The following NTS variants were observed in gnomAD, a reference collection of about 807,000 sequenced individuals.
NTS encodes neurotensin/neuromedin N.
Under a neutral mutation model 19.5 loss-of-function variants are expected in NTS, and 20 were observed. The ratio of observed to expected loss-of-function variants is 1.02; its 90% CI spans 0.72 to 1.49. NTS has a LOEUF of 1.49. Ranked by LOEUF, NTS falls within the 40% of genes most tolerant of loss-of-function variation. The pLI, the probability that NTS is intolerant of heterozygous loss-of-function variation, is 0.00. For missense variants in NTS, 215 were observed against 193.1 expected (o/e 1.11, Z -0.67); for synonymous variants, 71 against 63.3 (o/e 1.12, Z -0.58).
intron 1 of NTS, among the ~76,000 whole-genome samples, chr12:85,875,400 T>C (rs1394789421): frequency 2.0e-5 from 3 of 152,140 alleles, no homozygotes; most frequent in African/African-American, 7.2e-5. Flanking sequence ...TGTGCTTTTA[T>C]GTATCATAAA....
In NTS at chr12:85,875,753, A is replaced by AGAT. The variant is rs1217620799; in HGVS notation, c.74-886_74-884dup. Among the ~76,000 whole-genome samples the AGAT allele has an allele frequency of 2.0e-5, 3 of 152,046 alleles. No homozygotes were observed. The East Asian group carries it at 5.8e-4, about 29-fold the overall frequency. ...TACATTGTTCATAAATTCCTAAAAC[A>AGAT]GATTATGTCTCTAACAAATAGTGAG... On this transcript the variant is annotated intron_variant, in intron 1 of 3. Transcript: ENST00000256010.
chr12:85,877,104 A>G (rs1881363194), intron 2 of NTS, among the ~76,000 whole-genome samples: 1 of 152,216 alleles, frequency 6.6e-6, no homozygotes, highest in Non-Finnish European at 1.5e-5. Context: ...ATTAGAAATA[A>G]AAGTTCATGA....
chr12:85,878,638 T>A, intron 3 of NTS, 69 bp downstream of exon 3: 1 of 887,336 alleles, frequency 1.1e-6, no homozygotes, highest in Non-Finnish European at 1.6e-6. Flanking sequence ...ATTAATTTCT[T>A]AAATTCCCAA....
At chr12:85,878,901 C>T (rs1421494861) in intron 3 of NTS, among the ~76,000 whole-genome samples, 1 of 151,788 alleles carries the variant, frequency 6.6e-6, no homozygotes, top group Non-Finnish European at 1.5e-5. Flanking sequence ...ATTTAAGCAA[C>T]TCAAAATGTT....
chr12:85,881,318 C>T lies in NTS; in HGVS notation c.361-905C>T, dbSNP rs183824870. 5.2e-3 allele frequency among the ~76,000 whole-genome samples: 794 copies of T among 152,010 alleles called. 5 individuals are homozygous for T. The highest frequency in any genetic ancestry group is 0.018 in the African/African-American group (734 of 41,470). ...TGCATTGCAATTTAAAACTTAGTCCCCTATCAGTATTTGTTATAGTGACCC... is the reference window on the plus strand; with the variant it reads ...TGCATTGCAATTTAAAACTTAGTCCTCTATCAGTATTTGTTATAGTGACCC... On this transcript the variant is annotated intron_variant, in intron 3 of 3. Transcript: ENST00000256010.
chr12:85,876,985 C>A (rs1881360573), intron 2 of NTS, among the ~76,000 whole-genome samples: 1 of 151,980 alleles, frequency 6.6e-6, no homozygotes, highest in Non-Finnish European at 1.5e-5. Flanking sequence ...TGCTTCCATG[C>A]CTTTTACATT....
chr12:85,877,610 A>G (rs1452183444), intron 2 of NTS, among the ~76,000 whole-genome samples: 2 of 152,126 alleles, frequency 1.3e-5, no homozygotes, highest in South Asian at 2.1e-4. Context: ...TCACCTAGGT[A>G]TTAAGCCTAG....
intron 3 of NTS, among the ~76,000 whole-genome samples, chr12:85,879,237 T>TATTTTATGTAC (rs1256921028): frequency 0.023 from 31 of 1,340 alleles, 15 homozygotes; most frequent in South Asian, 0.2. Flanking sequence ...ATTTTATGTA[T>TATTTTATGTAC]GTAAAATATA....
chr12:85,876,642 T>C lies in NTS; in HGVS notation c.76T>C (p.Ser26Pro). ...AACCTGATTTTGATTTTACTCAGAT[T>C]CAGAAGAGGAAATGAAAGCATTAGA... ...AFSSWSLCSD[S>P]EEEMKALEAD... Residue 26 changes from serine (S) to proline (P), a missense_variant and splice_region_variant, in exon 2 of 4, where the codon TCA becomes CCA. Transcript: ENST00000256010. 6.3e-7 allele frequency: 1 copy of C among 1,574,914 alleles called. No homozygotes were observed. Among genetic ancestry groups the C allele is most frequent in the Non-Finnish European group, 8.7e-7 (1 of 1,153,152 alleles).
chr12:85,880,453 T>C (rs1009150313), intron 3 of NTS, among the ~76,000 whole-genome samples: 2 of 152,172 alleles, frequency 1.3e-5, no homozygotes, highest in Non-Finnish European at 2.9e-5. Flanking sequence ...ATTGGGGATC[T>C]GAGGGTGTCT....
chr12:85,875,394 CT>C (rs1881318491), intron 1 of NTS, among the ~76,000 whole-genome samples: 1 of 151,980 alleles, frequency 6.6e-6, no homozygotes. Flanking sequence ...CTGTTCTGTG[CT>C]TTTATGTATC....
At chr12:85,879,908 T>A (rs1056385509) in intron 3 of NTS, among the ~76,000 whole-genome samples, 10 of 147,328 alleles carry the variant, frequency 6.8e-5, no homozygotes, top group Non-Finnish European at 3.0e-5. Flanking sequence ...ATTTTATGTA[T>A]ATAAAAATAT....
chr12:85,876,394 C>T (rs1881345050), intron 1 of NTS, among the ~76,000 whole-genome samples: 1 of 151,786 alleles, frequency 6.6e-6, no homozygotes, highest in South Asian at 2.1e-4. Flanking sequence ...TAAACAACTC[C>T]CAGTGATCAA....
In NTS at chr12:85,876,683, C is replaced by T; in HGVS notation, c.117C>T (p.Thr39=). 6.3e-7 allele frequency: 1 copy of T among 1,581,418 alleles called. No individual in the cohort carries two copies. Among genetic ancestry groups the T allele is most frequent in the South Asian group, 1.2e-5 (1 of 86,098 alleles). The change falls in exon 2 of 4, where the codon ACC becomes ACT. Residue 39 remains threonine, a synonymous_variant. Transcript: ENST00000256010. ...AAGCATTAGAAGCAGATTTCTTGAC[C>T]AATATGCATACATCAAAGGTAACTT... ...EMKALEADFL[T]NMHTSKISKA...
chr12:85,880,364 T>C (rs55908819), intron 3 of NTS, among the ~76,000 whole-genome samples: 11,356 of 152,210 alleles, frequency 0.075, 599 homozygotes, highest in Middle Eastern at 0.21. Context: ...TTAAAAATTT[T>C]CGACAAGGGA....
At chr12:85,881,545 A>T (rs1881502589) in intron 3 of NTS, among the ~76,000 whole-genome samples, 1 of 152,174 alleles carries the variant, frequency 6.6e-6, no homozygotes, top group African/African-American at 2.4e-5. Flanking sequence ...TTTAGGCAAG[A>T]TTCTACATGG....
intron 3 of NTS, among the ~76,000 whole-genome samples, chr12:85,881,703 A>G (rs754067402): frequency 5.3e-5 from 8 of 152,154 alleles, no homozygotes; most frequent in Non-Finnish European, 8.8e-5. Flanking sequence ...TCATCCCTCT[A>G]TTGAGAATTA....
intron 1 of NTS, among the ~76,000 whole-genome samples, chr12:85,875,683 G>C (rs908517197): frequency 2.0e-5 from 3 of 151,962 alleles, no homozygotes; most frequent in African/African-American, 7.2e-5. Flanking sequence ...TTATTAACTT[G>C]AAACTACTTG....
chr12:85,878,484 C>G lies in NTS; in HGVS notation c.275C>G (p.Ala92Gly). ...ELVARRKLPT[A>G]LDGFSLEAML... ...GTTGCAAGAAGGAAACTTCCTACTGCTTTAGATGGCTTTAGCTTGGAAGCA... is the reference window on the plus strand; with the variant it reads ...GTTGCAAGAAGGAAACTTCCTACTGGTTTAGATGGCTTTAGCTTGGAAGCA... Residue 92 changes from alanine to glycine, a missense_variant, in exon 3 of 4, where the codon GCT becomes GGT. Transcript: ENST00000256010. 6.2e-7 allele frequency: 1 copy of G among 1,613,862 alleles called. No homozygotes were observed. Among genetic ancestry groups the G allele is most frequent in the South Asian group, 1.1e-5 (1 of 91,064 alleles).
Sources: gnomAD v4.1 joint callset for allele counts (sites outside exome capture counted in the v4.1 genomes callset) on GRCh38, gnomAD v4.1.1 for gene constraint, MANE v1.5 for transcripts, NCBI Gene and HGNC (gene_info 2026-07-23, HGNC 2026-07-21) for gene names.